COMMD1: variants seen among roughly 807,000 people sequenced by gnomAD.
COMMD1 encodes the protein copper metabolism domain containing 1.
Under a neutral mutation model 17.2 loss-of-function variants are expected in COMMD1, and 10 were observed. That is an observed-to-expected ratio of 0.58 (90% CI 0.36 to 0.99). The LOEUF (loss-of-function observed/expected upper bound fraction) is 0.99, where lower values mean the gene tolerates loss of function less well. Among genes scored for constraint, COMMD1 ranks in the 50% least tolerant of loss-of-function variants. The pLI, the probability that COMMD1 is intolerant of heterozygous loss-of-function variation, is 0.01. For synonymous variants in COMMD1, 97 were observed against 91.6 expected (o/e 1.06, Z -0.34); for missense variants, 270 against 231.8 (o/e 1.17, Z -1.07).
Position 62,125,700 on chromosome 2 carries a change from G to A in COMMD1, c.463-10131G>A, listed in dbSNP as rs571461355. ...ACAGCATAAACTATCCATTGTATAA[G>A]AACAGGTTATAGCAACAAGGCCATG... On this transcript the variant is annotated intron_variant, in intron 2 of 2. Transcript: ENST00000311832. Among the ~76,000 whole-genome samples, 3 of 152,212 alleles carry A rather than the reference G, an allele frequency of 2.0e-5. 1 individual carries two copies. The South Asian group carries it at 6.2e-4, about 32-fold the overall frequency.
chr2:62,074,147 A>G (rs1377610683), intron 2 of COMMD1, among the ~76,000 whole-genome samples: 1 of 152,046 alleles, frequency 6.6e-6, no homozygotes, highest in African/African-American at 2.4e-5. Context: ...AGGGCACATC[A>G]CCCTCCCATC....
chr2:61,938,041 C>A (rs1321087974), intron 1 of COMMD1, among the ~76,000 whole-genome samples: 2 of 152,014 alleles, frequency 1.3e-5, no homozygotes, highest in East Asian at 3.9e-4. Context: ...CAGATTGGGC[C>A]CAGTGGGATT....
At chr2:61,888,675 CGG>C, upstream of COMMD1, 1 of 755,350 alleles carries the variant, frequency 1.3e-6, no homozygotes, top group Non-Finnish European at 2.0e-6. Flanking sequence ...CCTTGCCGCG[CGG>C]CGCTGGCGTG....
In COMMD1 at chr2:62,000,730, C is replaced by G; in HGVS notation, c.210C>G (p.Asn70Lys). The G allele has an allele frequency of 6.2e-7, 1 of 1,614,106 alleles. No individual in the cohort carries two copies. The highest frequency in any genetic ancestry group is 1.7e-5 in the Admixed American group (1 of 60,004). The stretch of plus-strand genomic sequence containing the variant: ...TTGCGTCTGCAGACATGGATTTCAA[C>G]CAGCTGGAGGCATTCTTGACTGCTC... ...KSIASADMDF[N>K]QLEAFLTAQT... is the part of the protein sequence containing the mutation. The change falls in exon 2 of 3, where the codon AAC becomes AAG. Residue 70 changes from asparagine to lysine, a missense_variant. By Grantham distance (94) the Asn-to-Lys change is moderately conservative. Transcript: ENST00000311832.
Position 62,076,902 on chromosome 2 carries a change from C to T in COMMD1, c.463-58929C>T, listed in dbSNP as rs540988089. 1.0e-3 allele frequency among the ~76,000 whole-genome samples: 157 copies of T among 152,136 alleles called. 2 individuals are homozygous for T. Among genetic ancestry groups the T allele is most frequent in the African/African-American group, 3.4e-3 (141 of 41,486 alleles). Reference sequence around the variant, plus strand: ...ATCCCAGCACTTTGGGAGGCCAAGGCGGGAGGATCATTTGAGCCCAAGAGT... The same window carrying T: ...ATCCCAGCACTTTGGGAGGCCAAGGTGGGAGGATCATTTGAGCCCAAGAGT... On this transcript the variant is annotated intron_variant, in intron 2 of 2. Transcript: ENST00000311832.
intron 2 of COMMD1, among the ~76,000 whole-genome samples, chr2:62,088,262 C>T (rs1671724866): frequency 6.6e-6 from 1 of 152,170 alleles, no homozygotes; most frequent in South Asian, 2.1e-4. Flanking sequence ...ATCCATCCTC[C>T]ATCCCCCACT....
chr2:61,963,185 T>TTATA (rs1553373136), intron 1 of COMMD1, among the ~76,000 whole-genome samples: 9 of 129,754 alleles, frequency 6.9e-5, no homozygotes, highest in African/African-American at 2.6e-4. Context: ...TATATATATA[T>TTATA]TATATACACA....
rs11345736 is a variant in COMMD1 at position 62,109,919 on chromosome 2, C to CTT, written c.463-25888_463-25887dup. On this transcript the variant is annotated intron_variant, in intron 2 of 2. Coordinates refer to ENST00000311832, the MANE Select transcript of COMMD1 (RefSeq NM_152516.4). ...AAGTATTAATCTACCTTATCTTGAT[C>CTT]TTTTTTTTTTTTTTTTTTTTTTTTT... Among the ~76,000 whole-genome samples the CTT allele has an allele frequency of 7.5e-3, 551 of 73,850 alleles. 4 individuals carry two copies. The highest frequency in any genetic ancestry group is 0.02 in the African/African-American group (360 of 18,006). The allele number at this position is 73,850 out of a possible 152,430, so 48.4% of individuals were successfully genotyped here.
At chr2:62,033,842 G>T (rs1374028235) in intron 2 of COMMD1, among the ~76,000 whole-genome samples, 1 of 152,112 alleles carries the variant, frequency 6.6e-6, no homozygotes, top group African/African-American at 2.4e-5. Context: ...GGACACAGTG[G>T]CTTGTGCCTG....
chr2:61,954,513 T>G (rs1671142492), intron 1 of COMMD1, among the ~76,000 whole-genome samples: 1 of 152,226 alleles, frequency 6.6e-6, no homozygotes, highest in African/African-American at 2.4e-5. Flanking sequence ...GAAGTCTTTG[T>G]GTGAGAAAGG....
intron 1 of COMMD1, among the ~76,000 whole-genome samples, chr2:61,940,406 C>G (rs936395831): frequency 6.6e-6 from 1 of 152,158 alleles, no homozygotes; most frequent in Non-Finnish European, 1.5e-5. Context: ...TCTCAGATTT[C>G]ATAATTCTGT....
chr2:61,954,322 G>C (rs985633354), intron 1 of COMMD1, among the ~76,000 whole-genome samples: 3 of 152,174 alleles, frequency 2.0e-5, no homozygotes, highest in Non-Finnish European at 4.4e-5. Flanking sequence ...AGAAAAGAAA[G>C]AAGTTTGGTA....
At chr2:62,061,563 T>TC in intron 2 of COMMD1, among the ~76,000 whole-genome samples, 1 of 148,628 alleles carries the variant, frequency 6.7e-6, no homozygotes, top group East Asian at 1.9e-4. Context: ...TCTTTTTTTT[T>TC]TTTTTTTTTT....
chr2:62,056,155 G>A (rs1670694889), intron 2 of COMMD1, among the ~76,000 whole-genome samples: 1 of 152,190 alleles, frequency 6.6e-6, no homozygotes, highest in Admixed American at 6.5e-5. Context: ...GCTTCTGAAT[G>A]TGAGTCTATG....
intron 1 of COMMD1, among the ~76,000 whole-genome samples, chr2:61,915,187 G>T (rs1670018263): frequency 6.6e-6 from 1 of 151,800 alleles, no homozygotes; most frequent in Non-Finnish European, 1.5e-5. Context: ...TGTATTTTTA[G>T]TAGAGATGGG....
At chr2:62,062,973 C>CTTT (rs1020015292) in intron 2 of COMMD1, among the ~76,000 whole-genome samples, 18 of 151,778 alleles carry the variant, frequency 1.2e-4, no homozygotes, top group African/African-American at 4.1e-4. Context: ...AATCCTAGCA[C>CTTT]TTTGGGAGGC....
upstream of COMMD1, chr2:61,888,402 T>C (rs946766635): frequency 2.5e-6 from 4 of 1,613,100 alleles, no homozygotes; most frequent in East Asian, 4.5e-5. Context: ...GAAATGTTGC[T>C]GAAGCGGATC....
chr2:61,978,837 C>T (rs913894449), intron 1 of COMMD1, among the ~76,000 whole-genome samples: 1 of 152,086 alleles, frequency 6.6e-6, no homozygotes, highest in Non-Finnish European at 1.5e-5. Context: ...ATTGGCATAG[C>T]ATCACTTCTG....
intron 2 of COMMD1, among the ~76,000 whole-genome samples, chr2:62,044,823 G>A (rs1335326282): frequency 6.9e-6 from 1 of 144,708 alleles, no homozygotes; most frequent in Non-Finnish European, 1.5e-5. Flanking sequence ...TCTTCAAGGA[G>A]CAAGCTCCTA....
Sources: allele counts gnomAD v4.1 joint callset (sites outside exome capture counted in the v4.1 genomes callset), GRCh38; gene constraint gnomAD v4.1.1; transcripts MANE v1.5; gene names NCBI Gene and HGNC (gene_info 2026-07-23, HGNC 2026-07-21).